Variants in PICALM observed in about 807,000 individuals in gnomAD.
PICALM encodes the protein phosphatidylinositol binding clathrin assembly protein.
In PICALM, 40 loss-of-function variants were observed where a neutral mutation model predicts 80.5. That is an observed-to-expected ratio of 0.50 (90% CI 0.39 to 0.65). The LOEUF (loss-of-function observed/expected upper bound fraction) is 0.65, where lower values mean the gene tolerates loss of function less well. Ranked by LOEUF, PICALM falls within the 30% of genes least tolerant of loss-of-function variation. The pLI, the probability that PICALM is intolerant of heterozygous loss-of-function variation, is 0.00. For missense variants in PICALM, 676 were observed against 778.9 expected, an observed-to-expected ratio of 0.87 and a Z score of 1.57; for synonymous variants, 288 against 260.3, an observed-to-expected ratio of 1.11 and a Z score of -1.02.
At chr11:85,970,706 G>A (rs959873720) in intron 19 of PICALM, among the ~76,000 whole-genome samples, 1 of 152,128 alleles carries the variant, frequency 6.6e-6, no homozygotes, top group Non-Finnish European at 1.5e-5. Context: ...TGCCGGGGAG[G>A]CTGAGGCAGG....
chr11:86,056,263 C>T (rs2096269226), intron 1 of PICALM, among the ~76,000 whole-genome samples: 1 of 145,890 alleles, frequency 6.9e-6, no homozygotes, highest in Admixed American at 7.0e-5. Flanking sequence ...AATTACAAAT[C>T]ATATAAAGAT....
intron 1 of PICALM, among the ~76,000 whole-genome samples, chr11:86,045,470 G>C (rs2096055954): frequency 8.1e-6 from 1 of 124,032 alleles, no homozygotes; most frequent in East Asian, 2.6e-4. Flanking sequence ...ACTGTGAATA[G>C]CCACTGAACT....
At chr11:86,042,093 G>A (rs2095981174) in intron 1 of PICALM, among the ~76,000 whole-genome samples, 1 of 152,142 alleles carries the variant, frequency 6.6e-6, no homozygotes, top group East Asian at 1.9e-4. Context: ...AGACTGTACA[G>A]AGGAACAACA....
At position 85,981,915 on chromosome 11, in the gene PICALM, T is replaced by C; in HGVS notation, c.1605A>G (p.Leu535=). ...LPVAKLPPSK[L]VSDDLDSSLA... is the part of the protein sequence containing the mutation. ...AAGATGAATCCAAGTCATCAGATAC[T>C]AACTTGCTAGGTGGGAGTTTGGCAA... Residue 535 remains leucine, a synonymous_variant, in exon 15 of 20, where the codon TTA becomes TTG. Coordinates refer to ENST00000393346, the MANE Select transcript of PICALM (RefSeq NM_007166.4). 3 of 1,613,750 alleles carry C rather than the reference T, an allele frequency of 1.9e-6. No individual in the cohort carries two copies. Among genetic ancestry groups the C allele is most frequent in the South Asian group, 2.2e-5 (2 of 91,082 alleles).
intron 1 of PICALM, among the ~76,000 whole-genome samples, chr11:86,031,846 T>C (rs928279878): frequency 1.3e-5 from 2 of 152,092 alleles, no homozygotes; most frequent in African/African-American, 4.8e-5. Flanking sequence ...TAAATCAAAC[T>C]CCCTCAGGGT....
intron 1 of PICALM, among the ~76,000 whole-genome samples, chr11:86,034,941 G>A (rs994249555): frequency 3.3e-5 from 5 of 152,128 alleles, no homozygotes; most frequent in Non-Finnish European, 7.4e-5. Context: ...GGTCACAGGA[G>A]CTAAGTGACA....
At chr11:86,027,353 C>A (rs1487189459) in intron 2 of PICALM, among the ~76,000 whole-genome samples, 1 of 152,086 alleles carries the variant, frequency 6.6e-6, no homozygotes, top group East Asian at 1.9e-4. Context: ...TAACCTTAGT[C>A]TCCTTCACAT....
chr11:86,067,365 G>C (rs1380164070), intron 1 of PICALM, among the ~76,000 whole-genome samples: 1 of 152,186 alleles, frequency 6.6e-6, no homozygotes, highest in African/African-American at 2.4e-5. Context: ...TACTTATCGT[G>C]ACTATTGCCC....
chr11:86,018,906 A>AAAG (rs60839119), intron 4 of PICALM, among the ~76,000 whole-genome samples: 122,829 of 150,946 alleles, frequency 0.81, 50,176 homozygotes, highest in African/African-American at 0.88. Flanking sequence ...AAAAAGAAAA[A>AAAG]AATGAGATGG....
At chr11:86,033,821 G>C (rs2095799463) in intron 1 of PICALM, among the ~76,000 whole-genome samples, 1 of 151,952 alleles carries the variant, frequency 6.6e-6, no homozygotes, top group Non-Finnish European at 1.5e-5. Flanking sequence ...CATTCATTTT[G>C]GTATGCATAT....
chr11:86,061,632 C>T (rs2096367498), intron 1 of PICALM, among the ~76,000 whole-genome samples: 1 of 152,148 alleles, frequency 6.6e-6, no homozygotes, highest in South Asian at 2.1e-4. Flanking sequence ...TGAACAGAAA[C>T]TCCCATTCAT....
Position 86,032,028 on chromosome 11 carries a change from T to A in PICALM, c.131-417A>T, listed in dbSNP as rs150472188. Among the ~76,000 whole-genome samples, 31 of 152,276 alleles carry A rather than the reference T, an allele frequency of 2.0e-4. No homozygotes were observed. The East Asian group carries it at 5.8e-3, about 28-fold the overall frequency. On this transcript the variant is annotated intron_variant, in intron 1 of 19. Coordinates refer to ENST00000393346, the MANE Select transcript of PICALM (RefSeq NM_007166.4). ...AAATAAAGCTTATTTAAAGAAATCA[T>A]CCATACAGAAGAATGAACAAAATGA... is the stretch of plus-strand genomic sequence containing the variant.
At chr11:85,980,422 T>C (rs1293442578) in intron 17 of PICALM, among the ~76,000 whole-genome samples, 1 of 152,256 alleles carries the variant, frequency 6.6e-6, no homozygotes. Flanking sequence ...AATGAGGTTT[T>C]CTAAAAGGAC....
At chr11:86,013,155 A>G (rs2095426845) in intron 5 of PICALM, among the ~76,000 whole-genome samples, 1 of 151,968 alleles carries the variant, frequency 6.6e-6, no homozygotes, top group Non-Finnish European at 1.5e-5. Context: ...AAAAACTAAA[A>G]CCAAGAAAAG....
chr11:86,007,618 T>C (rs773106488), intron 7 of PICALM, 35 bp from the exon 8 acceptor site: 1 of 1,021,662 alleles, frequency 9.8e-7, no homozygotes, highest in Non-Finnish European at 1.4e-6. Flanking sequence ...TAAATTATAA[T>C]AAAAATATTT....
chr11:85,972,539 G>A (rs945977786), intron 19 of PICALM, among the ~76,000 whole-genome samples: 6 of 152,172 alleles, frequency 3.9e-5, no homozygotes, highest in African/African-American at 1.4e-4. Context: ...GAAAGTAATT[G>A]GAAATTGTCT....
At chr11:86,040,714 T>C (rs2095947310) in intron 1 of PICALM, among the ~76,000 whole-genome samples, 1 of 152,194 alleles carries the variant, frequency 6.6e-6, no homozygotes, top group African/African-American at 2.4e-5. Flanking sequence ...TATAGGTGTA[T>C]ATATGTTTAA....
chr11:86,054,497 A>G (rs1313278337), intron 1 of PICALM, among the ~76,000 whole-genome samples: 1 of 152,102 alleles, frequency 6.6e-6, no homozygotes, highest in African/African-American at 2.4e-5. Context: ...GCATTCTACC[A>G]CACAAAACTA....
rs773590037 is a variant in PICALM at position 86,001,129 on chromosome 11, G to C, written c.923C>G (p.Ser308Cys). Residue 308 changes from serine (S) to cysteine (C), a missense_variant, in exon 10 of 20, where the codon TCC (serine) becomes TGC (cysteine). By Grantham distance (112) the Ser-to-Cys change is moderately radical. Transcript: ENST00000393346. ...CAGAGATAGACCAGTGCTTGCCAGGGAAGACACTGCATTGGAAAGTGTAGT... is the reference window on the plus strand; with the variant it reads ...CAGAGATAGACCAGTGCTTGCCAGGCAAGACACTGCATTGGAAAGTGTAGT... ...RATTLSNAVS[S>C]LASTGLSLTK... The C allele has an allele frequency of 6.8e-6, 11 of 1,614,050 alleles. No homozygotes were observed. The highest frequency in any genetic ancestry group is 1.1e-5 in the South Asian group (1 of 91,066).
Sources: allele counts gnomAD v4.1 joint callset (sites outside exome capture counted in the v4.1 genomes callset), GRCh38; gene constraint gnomAD v4.1.1; transcripts MANE v1.5; gene names NCBI Gene and HGNC (gene_info 2026-07-23, HGNC 2026-07-21).